Variants in MAP3K13 observed in about 807,000 individuals in gnomAD.
MAP3K13 encodes the protein mitogen-activated protein kinase kinase kinase 13, also known as leucine zipper-bearing kinase.
In MAP3K13, 52 loss-of-function variants were observed where a neutral mutation model predicts 104.0. The ratio of observed to expected loss-of-function variants is 0.50; its 90% confidence interval spans 0.40 to 0.63. The LOEUF is 0.63. MAP3K13 is among the 20% of genes least tolerant of loss of function. The pLI, the probability that MAP3K13 is intolerant of heterozygous loss-of-function variation, is 0.00. For synonymous variants in MAP3K13, 394 were observed against 442.2 expected (o/e 0.89, Z 1.37); for missense variants, 914 against 1,218.5 (o/e 0.75, Z 3.72).
At chr3:185,471,605 G>A (rs535689887) in intron 10 of MAP3K13, among the ~76,000 whole-genome samples, 3 of 151,562 alleles carry the variant, frequency 2.0e-5, no homozygotes, top group East Asian at 1.9e-4. Context: ...GATTACAGGC[G>A]CCCACCACCA....
At chr3:185,353,141 C>T (rs958284160) in intron 2 of MAP3K13, among the ~76,000 whole-genome samples, 1 of 152,126 alleles carries the variant, frequency 6.6e-6, no homozygotes, top group Admixed American at 6.5e-5. Flanking sequence ...GAGTCCTTCC[C>T]CCTCTGTCCC....
In MAP3K13 at chr3:185,450,817, C is replaced by T. The variant is rs945313039; in HGVS notation, c.1170-470C>T. 2.0e-5 allele frequency among the ~76,000 whole-genome samples: 3 copies of T among 151,474 alleles called. No individual in the cohort carries two copies. Among genetic ancestry groups the T allele is most frequent in the African/African-American group, 4.9e-5 (2 of 41,212 alleles). ...TTAAAGAAATGTTAAGGGCCGGGTACGGTGGCTCACGCCTGTAATCCCAGC... is the reference window on the plus strand; with the variant it reads ...TTAAAGAAATGTTAAGGGCCGGGTATGGTGGCTCACGCCTGTAATCCCAGC... On this transcript the variant is annotated intron_variant, in intron 6 of 13. Transcript: ENST00000265026. This position sits in a 1 kb window ranked among gnomAD's most constrained non-coding sequence, Gnocchi z 4.2.
intron 1 of MAP3K13, among the ~76,000 whole-genome samples, chr3:185,410,079 C>G (rs1213529501): frequency 6.6e-6 from 1 of 152,208 alleles, no homozygotes; most frequent in African/African-American, 2.4e-5. Context: ...TCTAACGCTG[C>G]TGCTGACCTG....
At chr3:185,477,117 C>T in intron 11 of MAP3K13, 1 of 669,804 alleles carries the variant, frequency 1.5e-6, no homozygotes, top group East Asian at 2.9e-5. Context: ...CGTCTTCCAG[C>T]ATCTCATGCA....
Position 185,428,671 on chromosome 3 carries a change from G to A in MAP3K13, c.90G>A (p.Glu30=). 6.2e-7 allele frequency: 1 copy of A among 1,614,150 alleles called. No homozygotes were observed. Among genetic ancestry groups the A allele is most frequent in the Non-Finnish European group, 8.5e-7 (1 of 1,180,024 alleles). Residue 30 remains glutamate (E), a synonymous_variant, in exon 2 of 14, where the codon GAG becomes GAA. Transcript: ENST00000265026. ...ESKTFNGLQD[E]LTAMGNHPSP... The stretch of plus-strand genomic sequence containing the variant: ...AAACCTTCAATGGACTACAAGATGA[G>A]CTCACAGCTATGGGGAACCACCCTT...
At chr3:185,459,272 C>T (rs1716953546) in intron 7 of MAP3K13, among the ~76,000 whole-genome samples, 1 of 152,042 alleles carries the variant, frequency 6.6e-6, no homozygotes, top group Admixed American at 6.6e-5. Context: ...TTGGACTGGA[C>T]CCCACTATGG....
chr3:185,475,916 C>T (rs2148926038), intron 11 of MAP3K13, among the ~76,000 whole-genome samples: 1 of 152,306 alleles, frequency 6.6e-6, no homozygotes, highest in South Asian at 2.1e-4. Flanking sequence ...GATCCATTCT[C>T]TCCTCTTCCA....
chr3:185,361,189 T>TAC (rs1480520658), upstream of MAP3K13, among the ~76,000 whole-genome samples: 354 of 150,890 alleles, frequency 2.3e-3, 2 homozygotes, highest in African/African-American at 7.5e-3. Flanking sequence ...TATATATATA[T>TAC]ATACACACAC....
intron 1 of MAP3K13, among the ~76,000 whole-genome samples, chr3:185,364,198 G>A (rs1196365036): frequency 6.6e-6 from 1 of 152,214 alleles, no homozygotes; most frequent in Non-Finnish European, 1.5e-5. Flanking sequence ...TATGTTCCAT[G>A]TATAAAGTTG....
chr3:185,449,377 A>AAC (rs946609224), intron 5 of MAP3K13, among the ~76,000 whole-genome samples: 2 of 138,990 alleles, frequency 1.4e-5, no homozygotes, highest in African/African-American at 5.2e-5. Context: ...TGTCTAAAAA[A>AAC]AAAAAAAAAA....
At chr3:185,456,169 A>G (rs1716731961) in intron 7 of MAP3K13, among the ~76,000 whole-genome samples, 1 of 151,974 alleles carries the variant, frequency 6.6e-6, no homozygotes. Flanking sequence ...TGGAGTTCCT[A>G]AGAAATGATA....
chr3:185,460,399 C>T (rs1000632890), intron 7 of MAP3K13, among the ~76,000 whole-genome samples: 2 of 152,148 alleles, frequency 1.3e-5, no homozygotes, highest in African/African-American at 4.8e-5. Context: ...TGGTTCTGTT[C>T]CAGGGTATCT....
chr3:185,330,766 A>C (rs1166194972), intron 2 of MAP3K13, among the ~76,000 whole-genome samples: 2 of 152,186 alleles, frequency 1.3e-5, no homozygotes, highest in Non-Finnish European at 2.9e-5. Flanking sequence ...TGCCCATACC[A>C]TCCAGACCAC....
intron 2 of MAP3K13, among the ~76,000 whole-genome samples, chr3:185,305,331 AT>A (rs1265351070): frequency 7.9e-5 from 12 of 152,130 alleles, no homozygotes; most frequent in Non-Finnish European, 1.3e-4. Flanking sequence ...ACATCTTATA[AT>A]TGTAACAATC....
upstream of MAP3K13, among the ~76,000 whole-genome samples, chr3:185,362,769 A>ATTGC (rs1408105051): frequency 6.6e-6 from 1 of 152,182 alleles, no homozygotes; most frequent in Non-Finnish European, 1.5e-5. Flanking sequence ...CATCAGGCAT[A>ATTGC]TTGCTGAACA....
At chr3:185,371,948 GC>G (rs1724184741) in intron 1 of MAP3K13, among the ~76,000 whole-genome samples, 1 of 152,168 alleles carries the variant, frequency 6.6e-6, no homozygotes, top group Non-Finnish European at 1.5e-5. Flanking sequence ...TAGGCTATCT[GC>G]AGGCTTGGAT....
At chr3:185,294,366 A>C (rs574847117) in intron 2 of MAP3K13, among the ~76,000 whole-genome samples, 108 of 152,310 alleles carry the variant, frequency 7.1e-4, no homozygotes, top group African/African-American at 2.2e-3. Flanking sequence ...ATGAAGAACT[A>C]ATTTTTTAGT....
chr3:185,295,805 CTG>C (rs1466098477), intron 2 of MAP3K13, among the ~76,000 whole-genome samples: 1 of 152,164 alleles, frequency 6.6e-6, no homozygotes, highest in African/African-American at 2.4e-5. Context: ...TTTTATTACA[CTG>C]TATGCCCAGT....
intron 2 of MAP3K13, among the ~76,000 whole-genome samples, chr3:185,323,623 G>T (rs1207337606): frequency 6.6e-6 from 1 of 152,102 alleles, no homozygotes; most frequent in Non-Finnish European, 1.5e-5. Flanking sequence ...GTGAGCCACC[G>T]TGCCTGGCCA....
Sources: gnomAD v4.1 joint callset for allele counts (sites outside exome capture counted in the v4.1 genomes callset) on GRCh38, gnomAD v4.1.1 for gene constraint, Gnocchi (gnomAD v3.1) non-coding constraint, MANE v1.5 for transcripts, NCBI Gene and HGNC (gene_info 2026-07-23, HGNC 2026-07-21) for gene names.